Variants in SS18L1 observed in about 807,000 individuals in gnomAD.
SS18L1 encodes the protein SS18L1 subunit of BAF chromatin remodeling complex.
In SS18L1, 32 loss-of-function variants were observed where a neutral mutation model predicts 70.3. That is an observed-to-expected ratio of 0.46 (90% CI 0.34 to 0.61). SS18L1 has a LOEUF of 0.61. Ranked by LOEUF, SS18L1 falls within the 20% of genes least tolerant of loss-of-function variation. SS18L1 has a pLI of 0.01. For missense variants in SS18L1, 430 were observed against 542.1 expected (o/e 0.79, Z 2.05); for synonymous variants, 237 against 229.7 (o/e 1.03, Z -0.29).
At chr20:62,147,835 G>A (rs2057058634) in intron 1 of SS18L1, among the ~76,000 whole-genome samples, 1 of 152,198 alleles carries the variant, frequency 6.6e-6, no homozygotes, top group East Asian at 1.9e-4. Flanking sequence ...CCATGTCCTT[G>A]GTACCCAGGT....
Position 62,159,798 on chromosome 20 carries a change from C to A in SS18L1, c.147-79C>A. On this transcript the variant is annotated intron_variant, in intron 2 of 10. Coordinates refer to ENST00000331758, the MANE Select transcript of SS18L1 (RefSeq NM_198935.3). This position sits in a 1 kb window ranked among gnomAD's most constrained non-coding sequence, Gnocchi z 4.4. ...GCTGGATGTCAGGCTGTCTTGTTCA[C>A]ACTTTACTTCTGCCTTGGATCCACG... is the stretch of plus-strand genomic sequence containing the variant. 2 of 1,397,018 alleles carry A rather than the reference C, an allele frequency of 1.4e-6. No individual in the cohort carries two copies. Among genetic ancestry groups the A allele is most frequent in the East Asian group, 2.4e-5 (1 of 41,054 alleles). 86.5% of individuals were successfully genotyped at this position (1,397,018 alleles called of 1,614,324 possible).
chr20:62,166,172 C>G (rs538634190), intron 8 of SS18L1, among the ~76,000 whole-genome samples: 1 of 152,242 alleles, frequency 6.6e-6, no homozygotes, highest in Non-Finnish European at 1.5e-5. Flanking sequence ...AGTCCCACCC[C>G]GGGATAAAGA....
In SS18L1 at chr20:62,180,808, T is replaced by G. The variant is rs1258954294; in HGVS notation, c.*1600T>G. The G allele has an allele frequency of 6.1e-6, 1 of 165,094 alleles. No homozygotes were observed. The highest frequency in any genetic ancestry group is 1.3e-5 in the Non-Finnish European group (1 of 75,522). 10.2% of individuals were successfully genotyped at this position (165,094 alleles called of 1,614,324 possible). On this transcript the variant is annotated 3_prime_UTR_variant, in exon 11 of 11. Coordinates refer to ENST00000331758, the MANE Select transcript of SS18L1 (RefSeq NM_198935.3). ...TACTCGGGAACCTGAGGCAGGAGAA[T>G]GGCTTGAACCCAGGAGACAGAGGTT...
chr20:62,146,604 C>CTTT (rs1339898731), intron 1 of SS18L1, among the ~76,000 whole-genome samples: 1 of 34,158 alleles, frequency 2.9e-5, no homozygotes, highest in African/African-American at 1.2e-4. Flanking sequence ...CTGCTTTGAT[C>CTTT]ATTTTTTTTT....
chr20:62,151,457 G>A (rs956026899), intron 1 of SS18L1, among the ~76,000 whole-genome samples: 1 of 152,178 alleles, frequency 6.6e-6, no homozygotes, highest in Non-Finnish European at 1.5e-5. Context: ...GCTTGGCCCT[G>A]GGCATCAGCC....
intron 8 of SS18L1, among the ~76,000 whole-genome samples, chr20:62,170,673 C>T (rs909912255): frequency 1.3e-5 from 2 of 152,224 alleles, no homozygotes; most frequent in Non-Finnish European, 2.9e-5. Context: ...AGATGTCGTG[C>T]CCCCTTTCCC....
chr20:62,155,971 T>A (rs906870571), intron 1 of SS18L1, among the ~76,000 whole-genome samples: 1 of 141,124 alleles, frequency 7.1e-6, no homozygotes, highest in Admixed American at 7.2e-5. Context: ...TGTCCTGCCC[T>A]TTTTCAAGTG....
At chr20:62,168,137 G>A (rs6121935) in intron 8 of SS18L1, among the ~76,000 whole-genome samples, 7,916 of 152,020 alleles carry the variant, frequency 0.052, 660 homozygotes, top group African/African-American at 0.18. Flanking sequence ...AGGTACTTCC[G>A]TAGCTTGTTG....
At chr20:62,169,331 C>T (rs2057488922) in intron 8 of SS18L1, among the ~76,000 whole-genome samples, 1 of 152,216 alleles carries the variant, frequency 6.6e-6, no homozygotes, top group South Asian at 2.1e-4. Flanking sequence ...AAACAACCAA[C>T]ACAAATGCTT....
intron 6 of SS18L1, 104 bp downstream of exon 6, chr20:62,163,726 G>A: frequency 7.2e-7 from 1 of 1,386,858 alleles, no homozygotes; most frequent in South Asian, 1.5e-5. Context: ...GAGTGAGGCG[G>A]GGAGCCTGGG....
chr20:62,161,644 C>A lies in SS18L1; in HGVS notation c.376+64C>A. The A allele has an allele frequency of 6.4e-7, 1 of 1,554,992 alleles. No homozygotes were observed. Among genetic ancestry groups the A allele is most frequent in the Non-Finnish European group, 8.7e-7 (1 of 1,145,578 alleles). On this transcript the variant is annotated intron_variant, in intron 4 of 10. Transcript: ENST00000331758. This position sits in a 1 kb window ranked among gnomAD's most constrained non-coding sequence, Gnocchi z 4.4. ...GGCCACCAAGGCAGCCCTTGGGCAG[C>A]CGGCTGCCATGGTGGGGCACCCCAC...
intron 1 of SS18L1, among the ~76,000 whole-genome samples, chr20:62,152,701 C>T (rs2057155897): frequency 6.6e-6 from 1 of 152,210 alleles, no homozygotes; most frequent in African/African-American, 2.4e-5. Flanking sequence ...GGAGGAGACT[C>T]AGGTGGGCCC....
At chr20:62,156,451 A>G (rs1003592200) in intron 1 of SS18L1, among the ~76,000 whole-genome samples, 5 of 152,174 alleles carry the variant, frequency 3.3e-5, no homozygotes, top group African/African-American at 9.7e-5. Context: ...CATTGGGCTC[A>G]GCTGAGTGCA....
intron 10 of SS18L1, chr20:62,175,515 G>T (rs2057605566): frequency 1.1e-6 from 1 of 919,450 alleles, no homozygotes; most frequent in Non-Finnish European, 1.3e-6. Flanking sequence ...CCTGAAGGAG[G>T]CTCGGTGGCT....
At chr20:62,151,800 C>A (rs1166177856) in intron 1 of SS18L1, among the ~76,000 whole-genome samples, 1 of 151,126 alleles carries the variant, frequency 6.6e-6, no homozygotes, top group Non-Finnish European at 1.5e-5. Context: ...CCCCCAGCAG[C>A]CCCCGTTCCC....
chr20:62,171,557 C>T (rs6062110), intron 8 of SS18L1, among the ~76,000 whole-genome samples: 20,856 of 152,160 alleles, frequency 0.14, 1,753 homozygotes, highest in South Asian at 0.24. Flanking sequence ...TGTCATCCCA[C>T]CTAACTACAG....
Position 62,164,209 on chromosome 20 carries a change from C to A in SS18L1, c.786C>A (p.Gly262=), listed in dbSNP as rs377486890. The part of the protein sequence containing the change: ...YYGEQYSHSQ[G]AAEPMGQQYY... ...GCGAGCAGTACAGCCACAGCCAGGGCGCCGCGGAGCCCATGGGCCAGCAGT... is the reference window on the plus strand; with the variant it reads ...GCGAGCAGTACAGCCACAGCCAGGGAGCCGCGGAGCCCATGGGCCAGCAGT... Residue 262 remains glycine, a synonymous_variant, in exon 7 of 11, where the codon GGC becomes GGA. Coordinates refer to ENST00000331758, the MANE Select transcript of SS18L1 (RefSeq NM_198935.3). 319 of 1,549,714 alleles carry A rather than the reference C, an allele frequency of 2.1e-4. 1 individual carries two copies. Among genetic ancestry groups the A allele is most frequent in the Non-Finnish European group, 2.7e-4 (307 of 1,146,678 alleles).
At chr20:62,144,529 G>T (rs907026624) in intron 1 of SS18L1, among the ~76,000 whole-genome samples, 1 of 152,220 alleles carries the variant, frequency 6.6e-6, no homozygotes, top group South Asian at 2.1e-4. Flanking sequence ...CGTAGGGAGC[G>T]CACCGCCCCC....
At chr20:62,162,604 A>C (rs750656208) in intron 4 of SS18L1, 148 bp from the exon 5 acceptor site, 2 of 811,592 alleles carry the variant, frequency 2.5e-6, no homozygotes, top group Non-Finnish European at 3.7e-6. Flanking sequence ...GCTCCCGGCC[A>C]CTTATTTATT....
Sources: allele counts gnomAD v4.1 joint callset (sites outside exome capture counted in the v4.1 genomes callset), GRCh38; gene constraint gnomAD v4.1.1; non-coding constraint Gnocchi (gnomAD v3.1); transcripts MANE v1.5; gene names NCBI Gene and HGNC (gene_info 2026-07-23, HGNC 2026-07-21).